Variants in DGKB observed in about 807,000 individuals in gnomAD.
DGKB encodes the protein 90 kDa diacylglycerol kinase.
In DGKB, 67 loss-of-function variants were observed where a neutral mutation model predicts 114.3. The ratio of observed to expected loss-of-function variants is 0.59; its 90% CI spans 0.48 to 0.72. DGKB has a LOEUF of 0.72. Ranked by LOEUF, DGKB falls within the 30% of genes least tolerant of loss-of-function variation. The probability of loss-of-function intolerance (pLI) is 0.00; values close to 1 mark genes in which losing one functional copy is unlikely to be tolerated. For synonymous variants in DGKB, 398 were observed against 323.1 expected (o/e 1.23, Z -2.49); for missense variants, 907 against 975.2 (o/e 0.93, Z 0.93).
intron 23 of DGKB, among the ~76,000 whole-genome samples, chr7:14,200,156 AACAATTCTC>A (rs1449531712): frequency 2.0e-5 from 3 of 152,078 alleles, no homozygotes; most frequent in Non-Finnish European, 4.4e-5. Context: ...GTTGTTTAGT[AACAATTCTC>A]CTTTAATACT....
At chr7:14,217,084 C>G (rs1282284286) in intron 23 of DGKB, among the ~76,000 whole-genome samples, 1 of 152,114 alleles carries the variant, frequency 6.6e-6, no homozygotes, top group Non-Finnish European at 1.5e-5. Context: ...CCACTTCATT[C>G]CCTGGCCTTC....
At chr7:14,842,469 G>A (rs1437737737) in intron 1 of DGKB, among the ~76,000 whole-genome samples, 1 of 152,162 alleles carries the variant, frequency 6.6e-6, no homozygotes, top group Non-Finnish European at 1.5e-5. Flanking sequence ...TGATATTGAT[G>A]TGCTCACAGA....
chr7:14,413,947 A>G (rs894289997), intron 21 of DGKB, among the ~76,000 whole-genome samples: 1 of 152,194 alleles, frequency 6.6e-6, no homozygotes, highest in Non-Finnish European at 1.5e-5. Flanking sequence ...TTAAGAGTAG[A>G]GATTTGCTCT....
intron 23 of DGKB, among the ~76,000 whole-genome samples, chr7:14,333,185 G>A (rs1224726469): frequency 2.6e-5 from 4 of 152,068 alleles, no homozygotes; most frequent in Non-Finnish European, 5.9e-5. Context: ...GAGGCCGGGG[G>A]CAGTGGCTCA....
chr7:14,948,930 T>A (rs1342052092), intron 1 of DGKB, among the ~76,000 whole-genome samples: 1 of 151,142 alleles, frequency 6.6e-6, no homozygotes, highest in Non-Finnish European at 1.5e-5. Flanking sequence ...ATTTAAAAAA[T>A]CAGAAAACAA....
chr7:14,472,108 G>C (rs1382619037), intron 21 of DGKB, among the ~76,000 whole-genome samples: 2 of 152,146 alleles, frequency 1.3e-5, no homozygotes, highest in Non-Finnish European at 2.9e-5. Flanking sequence ...TACACATTAA[G>C]AATTTGAATT....
At chr7:14,158,782 C>T (rs1783427073) in intron 25 of DGKB, among the ~76,000 whole-genome samples, 1 of 152,032 alleles carries the variant, frequency 6.6e-6, no homozygotes, top group Non-Finnish European at 1.5e-5. Context: ...TCAGGTCCTC[C>T]TGTTTCAAGG....
chr7:14,650,173 C>A (rs1193660273), intron 13 of DGKB, among the ~76,000 whole-genome samples: 2 of 129,410 alleles, frequency 1.5e-5, no homozygotes, highest in African/African-American at 3.0e-5. Context: ...AACTCTCCAC[C>A]CCAAATCAAC....
intron 25 of DGKB, among the ~76,000 whole-genome samples, chr7:14,159,019 A>G (rs1367831379): frequency 1.3e-5 from 2 of 152,126 alleles, no homozygotes; most frequent in East Asian, 3.9e-4. Context: ...CTCTCCCGCC[A>G]ATTAATTCCC....
chr7:14,589,106 A>T (rs1584985274), intron 17 of DGKB, among the ~76,000 whole-genome samples: 1 of 152,030 alleles, frequency 6.6e-6, no homozygotes, highest in African/African-American at 2.4e-5. Context: ...GGTCTTGCAT[A>T]TATTTTGTTA....
At chr7:14,912,100 T>C (rs1025772102) in intron 1 of DGKB, among the ~76,000 whole-genome samples, 1 of 152,128 alleles carries the variant, frequency 6.6e-6, no homozygotes, top group African/African-American at 2.4e-5. Context: ...GGAATATAAA[T>C]AGAGGCAACT....
At chr7:14,716,745 G>A (rs1828253329) in intron 6 of DGKB, among the ~76,000 whole-genome samples, 2 of 151,950 alleles carry the variant, frequency 1.3e-5, no homozygotes, top group Admixed American at 1.3e-4. Flanking sequence ...GCCAGGCATT[G>A]GCATTAAAAA....
At chr7:14,731,879 T>A (rs541622625) in intron 5 of DGKB, among the ~76,000 whole-genome samples, 2 of 152,278 alleles carry the variant, frequency 1.3e-5, no homozygotes, top group African/African-American at 4.8e-5. Context: ...GCTGGAGAGA[T>A]AATGCATTAG....
intron 1 of DGKB, among the ~76,000 whole-genome samples, chr7:14,961,839 A>G (rs568951243): frequency 7.2e-5 from 11 of 152,136 alleles, no homozygotes; most frequent in African/African-American, 2.6e-4. Flanking sequence ...ACTCTCCAAT[A>G]AACTTTGCTA....
chr7:14,769,165 A>C (rs1836972135), intron 2 of DGKB, among the ~76,000 whole-genome samples: 1 of 142,364 alleles, frequency 7.0e-6, no homozygotes, highest in Non-Finnish European at 1.5e-5. Flanking sequence ...GAGGGAGGGA[A>C]GGGAAGGAAA....
At chr7:14,216,489 G>T (rs1584509220) in intron 23 of DGKB, among the ~76,000 whole-genome samples, 1 of 152,016 alleles carries the variant, frequency 6.6e-6, no homozygotes, top group Non-Finnish European at 1.5e-5. Flanking sequence ...ACTTTGGGAG[G>T]CCGAGGTGGG....
intron 21 of DGKB, among the ~76,000 whole-genome samples, chr7:14,418,534 G>A (rs1040433658): frequency 3.3e-5 from 5 of 151,212 alleles, no homozygotes; most frequent in Non-Finnish European, 7.4e-5. Context: ...TCCTACAAAT[G>A]TTAGCTGTCA....
At chr7:14,313,288 A>T (rs917360661) in intron 23 of DGKB, among the ~76,000 whole-genome samples, 3 of 152,130 alleles carry the variant, frequency 2.0e-5, no homozygotes, top group African/African-American at 7.2e-5. Context: ...GCCGAATAGG[A>T]ACAGCTCCGG....
At chr7:14,220,401 T>C (rs953130594) in intron 23 of DGKB, among the ~76,000 whole-genome samples, 1 of 151,526 alleles carries the variant, frequency 6.6e-6, no homozygotes, top group African/African-American at 2.4e-5. Flanking sequence ...TAAATGGTCT[T>C]GGCACTCTTA....
Sources: gnomAD v4.1 joint callset for allele counts (sites outside exome capture counted in the v4.1 genomes callset) on GRCh38, gnomAD v4.1.1 for gene constraint, MANE v1.5 for transcripts, NCBI Gene and HGNC (gene_info 2026-07-23, HGNC 2026-07-21) for gene names.